RBPMS: variants seen among roughly 807,000 people sequenced by gnomAD.
The protein encoded by RBPMS is RNA binding protein, mRNA processing factor.
Under a neutral mutation model 26.8 loss-of-function variants are expected in RBPMS, and 7 were observed. The observed-to-expected ratio is 0.26, with a 90% CI of 0.15 to 0.49. The LOEUF is 0.49. RBPMS is among the 20% of genes least tolerant of loss of function. The pLI is 0.98. For synonymous variants in RBPMS, 96 were observed against 93.3 expected (o/e 1.03, Z -0.17); for missense variants, 186 against 250.0 (o/e 0.74, Z 1.73).
chr8:30,507,972 T>A (rs6997010), intron 5 of RBPMS, among the ~76,000 whole-genome samples: 72,270 of 151,950 alleles, frequency 0.48, 17,318 homozygotes, highest in Middle Eastern at 0.58. Flanking sequence ...TCAGTAAGTG[T>A]GATGGCTGAA....
At chr8:30,416,725 G>A (rs911307577) in intron 1 of RBPMS, among the ~76,000 whole-genome samples, 5 of 151,764 alleles carry the variant, frequency 3.3e-5, no homozygotes, top group African/African-American at 9.7e-5. Flanking sequence ...CGCCTGCCTC[G>A]GCCTCCCAAA....
intron 2 of RBPMS, 42 bp from the exon 3 acceptor site, chr8:30,477,757 T>C: frequency 2.9e-6 from 4 of 1,392,374 alleles, no homozygotes; most frequent in Non-Finnish European, 4.1e-6. Context: ...ATGGTATTAC[T>C]ACAGTTACTT....
At chr8:30,494,466 GAA>G (rs1819718534) in intron 4 of RBPMS, among the ~76,000 whole-genome samples, 1 of 90,086 alleles carries the variant, frequency 1.1e-5, no homozygotes, top group Admixed American at 1.6e-4. Flanking sequence ...TCTTTACAAT[GAA>G]TGCTATGAAA....
At chr8:30,526,506 A>G (rs1436141029) in intron 5 of RBPMS, among the ~76,000 whole-genome samples, 5 of 152,200 alleles carry the variant, frequency 3.3e-5, no homozygotes, top group African/African-American at 4.8e-5. Flanking sequence ...AAAACAATCC[A>G]CTGAGATAAA....
At chr8:30,550,889 A>G (rs1221426167) in intron 6 of RBPMS, among the ~76,000 whole-genome samples, 1 of 152,012 alleles carries the variant, frequency 6.6e-6, no homozygotes, top group Non-Finnish European at 1.5e-5. Flanking sequence ...CTTTACACAA[A>G]CCCGCTGTCC....
chr8:30,451,912 T>G (rs1192405414), intron 1 of RBPMS, among the ~76,000 whole-genome samples: 1 of 152,180 alleles, frequency 6.6e-6, no homozygotes, highest in Non-Finnish European at 1.5e-5. Context: ...GTGTTTCTTT[T>G]CTATCATATT....
chr8:30,430,196 G>C (rs1811776055), intron 1 of RBPMS, among the ~76,000 whole-genome samples: 1 of 151,904 alleles, frequency 6.6e-6, no homozygotes, highest in Non-Finnish European at 1.5e-5. Context: ...CTCCAGCCTG[G>C]GTTAGAGTGA....
At chr8:30,566,922 G>A (rs1458189637) in intron 8 of RBPMS, among the ~76,000 whole-genome samples, 1 of 152,094 alleles carries the variant, frequency 6.6e-6, no homozygotes, top group Non-Finnish European at 1.5e-5. Context: ...TTTTAGCTTA[G>A]TAGTTCATGG....
At chr8:30,519,086 T>G (rs573672361) in intron 5 of RBPMS, among the ~76,000 whole-genome samples, 1 of 152,146 alleles carries the variant, frequency 6.6e-6, no homozygotes, top group Non-Finnish European at 1.5e-5. Context: ...GACTCCTGTC[T>G]CATGGAATCA....
At chr8:30,563,213 G>A (rs1827638819) in intron 7 of RBPMS, among the ~76,000 whole-genome samples, 1 of 152,214 alleles carries the variant, frequency 6.6e-6, no homozygotes, top group Non-Finnish European at 1.5e-5. Context: ...TGTTACTGGT[G>A]TTTTAATTTG....
chr8:30,477,293 C>T (rs1436794996), intron 2 of RBPMS, among the ~76,000 whole-genome samples: 3 of 150,758 alleles, frequency 2.0e-5, no homozygotes, highest in Non-Finnish European at 4.4e-5. Context: ...TCATGATCCG[C>T]CCGCCTTGGC....
chr8:30,508,384 G>T (rs1465822516), intron 5 of RBPMS, among the ~76,000 whole-genome samples: 1 of 152,136 alleles, frequency 6.6e-6, no homozygotes, highest in East Asian at 1.9e-4. Flanking sequence ...TTAAATTCTA[G>T]ATTTTTTGTC....
At chr8:30,518,575 G>A (rs1189922409) in intron 5 of RBPMS, among the ~76,000 whole-genome samples, 4 of 150,940 alleles carry the variant, frequency 2.7e-5, no homozygotes, top group Admixed American at 1.3e-4. Context: ...ACAGTTGTGC[G>A]TCACCACGCC....
chr8:30,555,164 T>G (rs926399626), intron 6 of RBPMS, among the ~76,000 whole-genome samples: 1 of 152,212 alleles, frequency 6.6e-6, no homozygotes, highest in African/African-American at 2.4e-5. Context: ...GAGTTGCTTC[T>G]TTTTCTGGGT....
chr8:30,554,054 G>A (rs138081089), intron 6 of RBPMS, among the ~76,000 whole-genome samples: 4 of 152,214 alleles, frequency 2.6e-5, no homozygotes, highest in African/African-American at 9.6e-5. Flanking sequence ...GGGATTACAG[G>A]CATGAGCCAC....
At chr8:30,420,435 G>A (rs1810634564) in intron 1 of RBPMS, among the ~76,000 whole-genome samples, 1 of 152,130 alleles carries the variant, frequency 6.6e-6, no homozygotes, top group Non-Finnish European at 1.5e-5. Flanking sequence ...ATTTGGAAAA[G>A]AACTCGGGGG....
chr8:30,388,940 G>T (rs1585318462), intron 1 of RBPMS, among the ~76,000 whole-genome samples: 1 of 152,124 alleles, frequency 6.6e-6, no homozygotes. Flanking sequence ...GTTCTTCTGA[G>T]GTTAATACAA....
chr8:30,423,029 G>A (rs1487911640), intron 1 of RBPMS, among the ~76,000 whole-genome samples: 1 of 152,220 alleles, frequency 6.6e-6, no homozygotes, highest in Non-Finnish European at 1.5e-5. Context: ...GTGGGGTTGA[G>A]AACCAGGACC....
intron 5 of RBPMS, among the ~76,000 whole-genome samples, chr8:30,529,651 AGT>A (rs915993753): frequency 5.9e-5 from 9 of 152,212 alleles, no homozygotes; most frequent in African/African-American, 2.2e-4. Flanking sequence ...ACATCATATA[AGT>A]GGAGTCATAC....
Sources: allele counts gnomAD v4.1 joint callset (sites outside exome capture counted in the v4.1 genomes callset), GRCh38; gene constraint gnomAD v4.1.1; transcripts MANE v1.5; gene names NCBI Gene and HGNC (gene_info 2026-07-23, HGNC 2026-07-21).